The following CMTM8 variants were observed in gnomAD, a reference collection of about 807,000 sequenced individuals.
CMTM8 encodes the protein CKLF like MARVEL transmembrane domain containing 8, also known as CKLF-like MARVEL transmembrane domain-containing protein 8.
A neutral mutation model predicts 18.6 loss-of-function variants in CMTM8; 12 were observed. The ratio of observed to expected loss-of-function variants is 0.65; its 90% confidence interval spans 0.41 to 1.05. CMTM8 has a LOEUF of 1.05. CMTM8 is among the 50% of genes least tolerant of loss of function. The pLI, the probability that CMTM8 is intolerant of heterozygous loss-of-function variation, is 0.00. For synonymous variants in CMTM8, 87 were observed against 90.6 expected, an observed-to-expected ratio of 0.96 and a Z score of 0.23; for missense variants, 217 against 227.2, an observed-to-expected ratio of 0.95 and a Z score of 0.29.
chr3:32,346,896 T>C (rs1292660304), intron 1 of CMTM8, among the ~76,000 whole-genome samples: 1 of 151,714 alleles, frequency 6.6e-6, no homozygotes, highest in African/African-American at 2.4e-5. Flanking sequence ...TCACAGCTCA[T>C]TGCAACCTCA....
chr3:32,336,211 T>C (rs1400014577), intron 1 of CMTM8, among the ~76,000 whole-genome samples: 1 of 152,198 alleles, frequency 6.6e-6, no homozygotes, highest in African/African-American at 2.4e-5. Context: ...GTGATGTCCC[T>C]CCCTCCCCCA....
chr3:32,283,586 G>A (rs890601748), intron 1 of CMTM8, among the ~76,000 whole-genome samples: 5 of 152,168 alleles, frequency 3.3e-5, no homozygotes, highest in African/African-American at 1.2e-4. Flanking sequence ...ATTTCAGGCC[G>A]GGCAGTTGAC....
At chr3:32,344,824 G>T (rs1475363057) in intron 1 of CMTM8, among the ~76,000 whole-genome samples, 1 of 152,132 alleles carries the variant, frequency 6.6e-6, no homozygotes, top group African/African-American at 2.4e-5. Flanking sequence ...GAGCCCAGGA[G>T]GTCGAGGCTG....
chr3:32,315,825 A>G (rs1480938881), intron 1 of CMTM8, among the ~76,000 whole-genome samples: 1 of 152,062 alleles, frequency 6.6e-6, no homozygotes, highest in Non-Finnish European at 1.5e-5. Context: ...TTCCTAAACT[A>G]TCTGGAGTTG....
intron 2 of CMTM8, among the ~76,000 whole-genome samples, chr3:32,365,859 AG>A (rs1188719763): frequency 6.6e-6 from 1 of 152,202 alleles, no homozygotes; most frequent in Non-Finnish European, 1.5e-5. Context: ...TCTCTGATCC[AG>A]GGCCTATTTC....
At chr3:32,280,188 G>A (rs1041864723) in intron 1 of CMTM8, among the ~76,000 whole-genome samples, 6 of 152,102 alleles carry the variant, frequency 3.9e-5, no homozygotes, top group Admixed American at 3.9e-4. Flanking sequence ...GCATAAGTGA[G>A]GGGGGAGAAT....
At chr3:32,351,481 G>A (rs1217387281) in intron 1 of CMTM8, among the ~76,000 whole-genome samples, 1 of 152,194 alleles carries the variant, frequency 6.6e-6, no homozygotes, top group Non-Finnish European at 1.5e-5. Context: ...ACCATGGCAG[G>A]AGGATCACTT....
chr3:32,271,840 A>C (rs1321973130), intron 1 of CMTM8, among the ~76,000 whole-genome samples: 1 of 152,214 alleles, frequency 6.6e-6, no homozygotes, highest in African/African-American at 2.4e-5. Flanking sequence ...AACAAATACA[A>C]AGACCTCAGA....
chr3:32,313,103 A>T (rs1230135000), intron 1 of CMTM8, among the ~76,000 whole-genome samples: 1 of 152,078 alleles, frequency 6.6e-6, no homozygotes, highest in African/African-American at 2.4e-5. Flanking sequence ...TCAGGGCATG[A>T]ACATCTCTTG....
At chr3:32,313,271 A>T (rs1695854727) in intron 1 of CMTM8, among the ~76,000 whole-genome samples, 1 of 152,112 alleles carries the variant, frequency 6.6e-6, no homozygotes, top group South Asian at 2.1e-4. Context: ...CTTTCTGAGT[A>T]ATGTCCACCT....
intron 1 of CMTM8, among the ~76,000 whole-genome samples, chr3:32,250,151 T>C (rs1373166996): frequency 3.9e-5 from 6 of 152,242 alleles, no homozygotes. Flanking sequence ...TTGAATTATC[T>C]TGGCACTCTT....
chr3:32,264,219 G>A (rs1486559359), intron 1 of CMTM8, among the ~76,000 whole-genome samples: 1 of 152,214 alleles, frequency 6.6e-6, no homozygotes, highest in East Asian at 1.9e-4. Context: ...GGTTACCCAC[G>A]AGGGGAAGCC....
At chr3:32,369,068 G>A (rs1041335635) in intron 3 of CMTM8, among the ~76,000 whole-genome samples, 2 of 152,168 alleles carry the variant, frequency 1.3e-5, no homozygotes, top group African/African-American at 4.8e-5. Context: ...CAGCACTCTG[G>A]GAGGCCTAGG....
chr3:32,273,864 T>A (rs4308314), intron 1 of CMTM8, among the ~76,000 whole-genome samples: 151,083 of 152,170 alleles, frequency 0.99, 75,019 homozygotes, highest in Middle Eastern at 1. Flanking sequence ...GAAGTGGTTT[T>A]AAAAAAAGCT....
intron 1 of CMTM8, among the ~76,000 whole-genome samples, chr3:32,264,528 A>G (rs959888340): frequency 6.6e-6 from 1 of 152,246 alleles, no homozygotes; most frequent in African/African-American, 2.4e-5. Flanking sequence ...CGAGGCTAGG[A>G]AGAAACTGCA....
intron 1 of CMTM8, among the ~76,000 whole-genome samples, chr3:32,289,870 C>A (rs6771238): frequency 0.3 from 45,637 of 152,106 alleles, 7,106 homozygotes; most frequent in Admixed American, 0.36. Flanking sequence ...ATGGTGCACA[C>A]CTGTAATCCC....
Position 32,270,145 on chromosome 3 carries a change from C to T in CMTM8, c.147+31026C>T, listed in dbSNP as rs1243843058. Among the ~76,000 whole-genome samples, 2 of 152,132 alleles carry T rather than the reference C, an allele frequency of 1.3e-5. 1 individual carries two copies. ...CTGTGTTGCCCAGGCTGGTCTCAAACTCTGGGCCTCAAGCAATCCTCCTGC... is the reference window on the plus strand; with the variant it reads ...CTGTGTTGCCCAGGCTGGTCTCAAATTCTGGGCCTCAAGCAATCCTCCTGC... On this transcript the variant is annotated intron_variant, in intron 1 of 3. Coordinates refer to ENST00000307526, the MANE Select transcript of CMTM8 (RefSeq NM_178868.5).
At chr3:32,271,644 G>A (rs918907758) in intron 1 of CMTM8, among the ~76,000 whole-genome samples, 34 of 152,018 alleles carry the variant, frequency 2.2e-4, no homozygotes, top group African/African-American at 8.2e-4. Flanking sequence ...CCCCTTCTAG[G>A]TTGATGGCCT....
intron 1 of CMTM8, among the ~76,000 whole-genome samples, chr3:32,299,859 T>G (rs1559373670): frequency 2.0e-5 from 3 of 152,184 alleles, no homozygotes; most frequent in Admixed American, 1.3e-4. Context: ...ATTTTGGGCT[T>G]TGTAGGCCAA....
Sources: allele counts gnomAD v4.1 joint callset (sites outside exome capture counted in the v4.1 genomes callset), GRCh38; gene constraint gnomAD v4.1.1; transcripts MANE v1.5; gene names NCBI Gene and HGNC (gene_info 2026-07-23, HGNC 2026-07-21).